Variants in PTPRK observed in about 807,000 individuals in gnomAD.
PTPRK encodes receptor-type tyrosine-protein phosphatase kappa.
A neutral mutation model predicts 178.0 loss-of-function variants in PTPRK; 75 were observed. The observed-to-expected ratio is 0.42, with a 90% CI of 0.35 to 0.51. The LOEUF (loss-of-function observed/expected upper bound fraction) is 0.51, where lower values mean the gene tolerates loss of function less well. PTPRK is among the 20% of genes least tolerant of loss of function. PTPRK has a pLI of 0.02. For synonymous variants in PTPRK, 637 were observed against 620.6 expected, an observed-to-expected ratio of 1.03 and a Z score of -0.39; for missense variants, 1,441 against 1,797.8, an observed-to-expected ratio of 0.80 and a Z score of 3.59.
intron 2 of PTPRK, among the ~76,000 whole-genome samples, chr6:128,330,561 T>C (rs1048547416): frequency 5.9e-5 from 9 of 152,176 alleles, no homozygotes; most frequent in Admixed American, 2.0e-4. Flanking sequence ...CGTCTCTTCA[T>C]ATCCACTAGT....
chr6:128,000,853 C>A (rs1359738290), intron 15 of PTPRK, among the ~76,000 whole-genome samples: 1 of 151,940 alleles, frequency 6.6e-6, no homozygotes, highest in Non-Finnish European at 1.5e-5. Flanking sequence ...CTTTTACCTG[C>A]TGGAGTAGCA....
intron 15 of PTPRK, among the ~76,000 whole-genome samples, chr6:128,002,761 T>A (rs778934640): frequency 3.9e-4 from 59 of 151,932 alleles, no homozygotes; most frequent in Non-Finnish European, 6.2e-4. Context: ...CAAATGCACA[T>A]AATCCTAATA....
intron 1 of PTPRK, among the ~76,000 whole-genome samples, chr6:128,451,966 TACCA>T (rs1179083871): frequency 6.6e-6 from 1 of 152,202 alleles, no homozygotes; most frequent in Non-Finnish European, 1.5e-5. Context: ...AAAGAAAACC[TACCA>T]AATGCCAAGC....
At chr6:128,168,724 ACCT>A (rs967800300) in intron 7 of PTPRK, among the ~76,000 whole-genome samples, 1 of 151,848 alleles carries the variant, frequency 6.6e-6, no homozygotes, top group African/African-American at 2.4e-5. Flanking sequence ...ATCCCCTGCC[ACCT>A]CCTCAGTCCA....
chr6:128,144,242 G>A (rs186000482), intron 7 of PTPRK, among the ~76,000 whole-genome samples: 2 of 152,116 alleles, frequency 1.3e-5, no homozygotes, highest in East Asian at 3.9e-4. Context: ...CTAAACTTTT[G>A]TAAAATACAA....
intron 7 of PTPRK, among the ~76,000 whole-genome samples, chr6:128,155,931 C>A (rs1249151551): frequency 2.6e-5 from 4 of 151,928 alleles, no homozygotes; most frequent in Non-Finnish European, 4.4e-5. Flanking sequence ...TATTGGGAAG[C>A]ATTCCTAACT....
At chr6:128,089,114 C>A (rs1380524228) in intron 8 of PTPRK, among the ~76,000 whole-genome samples, 1 of 152,108 alleles carries the variant, frequency 6.6e-6, no homozygotes, top group Non-Finnish European at 1.5e-5. Flanking sequence ...AGGCACCCGC[C>A]ACCACACCCA....
At chr6:128,046,669 C>T (rs1034291570) in intron 13 of PTPRK, among the ~76,000 whole-genome samples, 1 of 152,130 alleles carries the variant, frequency 6.6e-6, no homozygotes, top group Non-Finnish European at 1.5e-5. Context: ...CCCTGAAGCC[C>T]ATTTAAATAT....
chr6:128,182,036 A>G (rs1204581857), intron 7 of PTPRK, among the ~76,000 whole-genome samples: 1 of 152,142 alleles, frequency 6.6e-6, no homozygotes, highest in Non-Finnish European at 1.5e-5. Context: ...TCCCTCCCCA[A>G]AAATCTTGCA....
chr6:128,325,501 G>A (rs1465098898), intron 2 of PTPRK, among the ~76,000 whole-genome samples: 2 of 152,086 alleles, frequency 1.3e-5, no homozygotes, highest in Non-Finnish European at 2.9e-5. Flanking sequence ...CCATCAAAAA[G>A]TGGGTGAAAG....
At chr6:128,259,848 A>C (rs1187679437) in intron 3 of PTPRK, among the ~76,000 whole-genome samples, 1 of 152,192 alleles carries the variant, frequency 6.6e-6, no homozygotes, top group Non-Finnish European at 1.5e-5. Flanking sequence ...GAAACTAAAA[A>C]AATGTGACTT....
intron 14 of PTPRK, chr6:128,006,001 T>A: frequency 6.6e-7 from 1 of 1,523,446 alleles, no homozygotes; most frequent in Non-Finnish European, 9.0e-7. Context: ...CACGTAAAGT[T>A]GTACATCACC....
intron 2 of PTPRK, among the ~76,000 whole-genome samples, chr6:128,389,308 T>C (rs919553407): frequency 1.3e-5 from 2 of 151,894 alleles, no homozygotes; most frequent in African/African-American, 4.8e-5. Flanking sequence ...CATAACTCCA[T>C]ATTTTTCACA....
chr6:128,171,830 C>A (rs1025505692), intron 7 of PTPRK, among the ~76,000 whole-genome samples: 4 of 151,836 alleles, frequency 2.6e-5, no homozygotes, highest in Admixed American at 2.0e-4. Flanking sequence ...AACATTTACC[C>A]CATTTTAACT....
chr6:128,492,193 C>T (rs2128430163), intron 1 of PTPRK, among the ~76,000 whole-genome samples: 1 of 152,288 alleles, frequency 6.6e-6, no homozygotes, highest in African/African-American at 2.4e-5. Flanking sequence ...GGGCCCTTCA[C>T]ATGCTGCCTT....
At chr6:128,162,558 G>A (rs1036479794) in intron 7 of PTPRK, among the ~76,000 whole-genome samples, 4 of 151,662 alleles carry the variant, frequency 2.6e-5, no homozygotes, top group Non-Finnish European at 5.9e-5. Context: ...TGATTGAATT[G>A]ATTGTCAAAT....
intron 2 of PTPRK, among the ~76,000 whole-genome samples, chr6:128,372,531 A>G (rs1836434917): frequency 6.6e-6 from 1 of 152,240 alleles, no homozygotes; most frequent in Non-Finnish European, 1.5e-5. Context: ...TTGTTCATTT[A>G]ATCCTCAAAG....
At chr6:128,389,410 TTTG>T (rs1343999072) in intron 2 of PTPRK, among the ~76,000 whole-genome samples, 1 of 41,240 alleles carries the variant, frequency 2.4e-5, no homozygotes, top group African/African-American at 3.7e-5. Context: ...TTTGTTTTTT[TTTG>T]TTTTTTTTGT....
intron 1 of PTPRK, 83 bp downstream of exon 1, chr6:128,520,176 C>A (rs191231462): frequency 4.9e-6 from 6 of 1,232,408 alleles, no homozygotes; most frequent in Non-Finnish European, 6.8e-6. Context: ...CGATCCTTGT[C>A]CCCAGCCCTA....
Sources: allele counts gnomAD v4.1 joint callset (sites outside exome capture counted in the v4.1 genomes callset), GRCh38; gene constraint gnomAD v4.1.1; transcripts MANE v1.5; gene names NCBI Gene and HGNC (gene_info 2026-07-23, HGNC 2026-07-21).